TMEM151B: variants seen among roughly 807,000 people sequenced by gnomAD.
TMEM151B encodes transmembrane protein 151B.
A neutral mutation model predicts 33.0 loss-of-function variants in TMEM151B; 18 were observed. The ratio of observed to expected loss-of-function variants is 0.55; its 90% CI spans 0.38 to 0.81. The LOEUF (loss-of-function observed/expected upper bound fraction) is 0.81. Ranked by LOEUF, TMEM151B falls within the 30% of genes least tolerant of loss-of-function variation. The pLI, the probability that TMEM151B is intolerant of heterozygous loss-of-function variation, is 0.00. For missense variants in TMEM151B, 672 were observed against 843.4 expected, an observed-to-expected ratio of 0.80 and a Z score of 2.52; for synonymous variants, 354 against 373.6, an observed-to-expected ratio of 0.95 and a Z score of 0.61.
At chr6:44,270,990 G>A (rs1782310812) in intron 1 of TMEM151B, 113 bp downstream of exon 1, 2 of 764,586 alleles carry the variant, frequency 2.6e-6, no homozygotes, top group East Asian at 1.2e-4. Flanking sequence ...CCCGCACCCC[G>A]AGCCGGCCGC....
rs1193738016 is a variant in TMEM151B at position 44,276,081 on chromosome 6, G to A, written c.1255G>A (p.Gly419Ser). 2 of 1,321,620 alleles carry A rather than the reference G, an allele frequency of 1.5e-6. No individual in the cohort carries two copies. Among genetic ancestry groups the A allele is most frequent in the Admixed American group, 4.1e-5 (1 of 24,324 alleles). 81.9% of individuals were successfully genotyped at this position (1,321,620 alleles called of 1,614,324 possible). A position where few individuals can be genotyped will look rare whatever the true frequency, so the allele number is the denominator to read the frequency against. ...GCCCTCGTGCCGCTACGGTGGGGTA[G>A]GCGGCCCGGGCGCGGCGGGCGTGGC... ...YAPSCRYGGV[G>S]GPGAAGVAPY... The change falls in exon 3 of 3, where the codon GGC (glycine) becomes AGC (serine). Residue 419 changes from glycine to serine, a missense_variant. By Grantham distance (56) the Gly-to-Ser change is moderately conservative. Coordinates refer to ENST00000451188, the MANE Select transcript of TMEM151B (RefSeq NM_001137560.2).
rs777939654 is a variant in TMEM151B, at chr6:44,273,923, A to T, written c.576+417A>T. On this transcript the variant is annotated intron_variant, in intron 2 of 2. Transcript: ENST00000451188. ...TGTTTAGTGCTTAATGGATCTACTT[A>T]GTGATTAATGGCAGAGTGTGGTGGC... is the stretch of plus-strand genomic sequence containing the variant. 2.4e-4 allele frequency among the ~76,000 whole-genome samples: 36 copies of T among 152,312 alleles called. 1 individual carries two copies. The highest frequency in any genetic ancestry group is 4.6e-4 in the Non-Finnish European group (31 of 68,030).
rs774833088 is a variant in TMEM151B at position 44,270,820 on chromosome 6, G to A, written c.78G>A (p.Glu26=). ...GGGGGGPGVS[E]ELTAAAAAAA... ...GCGGTGGCGGCCCCGGGGTCTCGGA[G>A]GAGCTCACGGCGGCGGCGGCAGCGG... The change falls in exon 1 of 3, where the codon GAG becomes GAA. Residue 26 remains glutamate, a synonymous_variant. Transcript: ENST00000451188. The A allele has an allele frequency of 6.9e-5, 78 of 1,133,728 alleles. No individual in the cohort carries two copies. The South Asian group carries it at 2.7e-3, about 40-fold the overall frequency. The allele number at this position is 1,133,728 out of a possible 1,614,324, so 70.2% of individuals were successfully genotyped here. A position where few individuals can be genotyped will look rare whatever the true frequency, so the allele number is the denominator to read the frequency against.
chr6:44,271,647 G>A (rs538139491), intron 1 of TMEM151B, among the ~76,000 whole-genome samples: 5 of 152,190 alleles, frequency 3.3e-5, no homozygotes, highest in East Asian at 1.9e-4. Flanking sequence ...GAAGGGGCCC[G>A]TATGTTCATA....
At position 44,270,711 on chromosome 6, in the gene TMEM151B, A is replaced by G; in HGVS notation, c.-32A>G. On this transcript the variant is annotated 5_prime_UTR_variant, in exon 1 of 3. Transcript: ENST00000451188. The stretch of plus-strand genomic sequence containing the variant: ...CCCCGGCCCCTGGCAGCCCCCCGGG[A>G]GGTCCTGAGCTCGACGCGCCCCCTC... The G allele has an allele frequency of 2.3e-6, 2 of 874,960 alleles. No individual in the cohort carries two copies. The highest frequency in any genetic ancestry group is 5.5e-5 in the East Asian group (1 of 18,226). 54.2% of individuals were successfully genotyped at this position (874,960 alleles called of 1,614,324 possible).
rs1782610265 is a variant in TMEM151B at position 44,276,839 on chromosome 6, G to C, written c.*312G>C. On this transcript the variant is annotated 3_prime_UTR_variant, in exon 3 of 3. Coordinates refer to ENST00000451188, the MANE Select transcript of TMEM151B (RefSeq NM_001137560.2). ...CAGCCCTTCAACAGATCTTCTGTTAGATGACAACCGTGCCGTGGGCCCCGC... is the reference window on the plus strand; with the variant it reads ...CAGCCCTTCAACAGATCTTCTGTTACATGACAACCGTGCCGTGGGCCCCGC... 3.2e-6 allele frequency: 1 copy of C among 316,920 alleles called. No individual in the cohort carries two copies. The highest frequency in any genetic ancestry group is 5.4e-6 in the Non-Finnish European group (1 of 183,872). 19.6% of individuals were successfully genotyped at this position (316,920 alleles called of 1,614,324 possible).
At position 44,276,554 on chromosome 6, in the gene TMEM151B, G is replaced by A. The variant is rs1480306102; in HGVS notation, c.*27G>A. 3 of 1,331,312 alleles carry A rather than the reference G, an allele frequency of 2.3e-6. No homozygotes were observed. The highest frequency in any genetic ancestry group is 3.6e-5 in the Admixed American group (1 of 28,096). 82.5% of individuals were successfully genotyped at this position (1,331,312 alleles called of 1,614,324 possible). On this transcript the variant is annotated 3_prime_UTR_variant, in exon 3 of 3. Coordinates refer to ENST00000451188, the MANE Select transcript of TMEM151B (RefSeq NM_001137560.2). Reference sequence around the variant, plus strand: ...CTCCGGCCCCGGAGTGGCCCGCGCCGTCCTCCCGCCTGCCCCTCGCCGGAC... The same window carrying A: ...CTCCGGCCCCGGAGTGGCCCGCGCCATCCTCCCGCCTGCCCCTCGCCGGAC...
At position 44,270,478 on chromosome 6, in the gene TMEM151B, G is replaced by C; in HGVS notation, c.-265G>C. On this transcript the variant is annotated 5_prime_UTR_variant, in exon 1 of 3. Transcript: ENST00000451188. ...CAAAAGGCGGCGGCGGGAGCGGGCG[G>C]GAGGCGGAGCGGCGCCGCGAGGGCC... The C allele has an allele frequency of 6.4e-6, 1 of 155,652 alleles. No individual in the cohort carries two copies. The highest frequency in any genetic ancestry group is 2.5e-5 in the African/African-American group (1 of 40,002). The allele number at this position is 155,652 out of a possible 1,614,324, so 9.6% of individuals were successfully genotyped here. A position where few individuals can be genotyped will look rare whatever the true frequency, so the allele number is the denominator to read the frequency against.
rs1782658147 is a variant in TMEM151B at position 44,277,978 on chromosome 6, C to T, written c.*1451C>T. On this transcript the variant is annotated 3_prime_UTR_variant, in exon 3 of 3. Coordinates refer to ENST00000451188, the MANE Select transcript of TMEM151B (RefSeq NM_001137560.2). ...GCAGATTTAGCACCCAGGGATTGAGCTCACATTTCAGGCTAGAGAGGATAA... is the reference window on the plus strand; with the variant it reads ...GCAGATTTAGCACCCAGGGATTGAGTTCACATTTCAGGCTAGAGAGGATAA... 6.5e-6 allele frequency: 1 copy of T among 152,856 alleles called. No individual in the cohort carries two copies. Among genetic ancestry groups the T allele is most frequent in the South Asian group, 2.1e-4 (1 of 4,846 alleles). 9.5% of individuals were successfully genotyped at this position (152,856 alleles called of 1,614,324 possible). A position where few individuals can be genotyped will look rare whatever the true frequency, so the allele number is the denominator to read the frequency against.
chr6:44,278,020 A>C lies in TMEM151B; in HGVS notation c.*1493A>C, dbSNP rs933910280. On this transcript the variant is annotated 3_prime_UTR_variant, in exon 3 of 3. Coordinates refer to ENST00000451188, the MANE Select transcript of TMEM151B (RefSeq NM_001137560.2). ...AGAGGATAACCCTTGGGCCACCCAC[A>C]TCTCTCACCCCTGATGCTTCTTACT... The C allele has an allele frequency of 6.5e-6, 1 of 152,966 alleles. No individual in the cohort carries two copies. Among genetic ancestry groups the C allele is most frequent in the Non-Finnish European group, 1.5e-5 (1 of 68,336 alleles). 9.5% of individuals were successfully genotyped at this position (152,966 alleles called of 1,614,324 possible).
chr6:44,275,075 G>T (rs1209146076), intron 2 of TMEM151B, among the ~76,000 whole-genome samples: 1 of 142,756 alleles, frequency 7.0e-6, no homozygotes, highest in Non-Finnish European at 1.5e-5. Flanking sequence ...CCGAGATGGC[G>T]CCACTGCACT....
chr6:44,273,588 G>C (rs78255700), intron 2 of TMEM151B, 82 bp downstream of exon 2: 84,587 of 1,430,284 alleles, frequency 0.059, 2,819 homozygotes, highest in Middle Eastern at 0.077. Flanking sequence ...CCACCTCCCT[G>C]GGGGGAAGGT....
intron 1 of TMEM151B, among the ~76,000 whole-genome samples, chr6:44,272,343 G>C (rs529873862): frequency 7.9e-5 from 12 of 152,116 alleles, no homozygotes; most frequent in African/African-American, 2.7e-4. Context: ...TCCCATCCTA[G>C]GACAAAGGGA....
chr6:44,275,011 G>T lies in TMEM151B; in HGVS notation c.577-392G>T, dbSNP rs536892782. Among the ~76,000 whole-genome samples the T allele has an allele frequency of 2.6e-5, 4 of 151,704 alleles. No individual in the cohort carries two copies. The South Asian group carries it at 8.3e-4, about 32-fold the overall frequency. On this transcript the variant is annotated intron_variant, in intron 2 of 2. Transcript: ENST00000451188. ...TGGGCGCCTGTAGTCCCAGCTACTC[G>T]GGAGGCTGAGGCGGGAGCATGGCAT...
chr6:44,277,685 G>C lies in TMEM151B; in HGVS notation c.*1158G>C, dbSNP rs1395392447. 6.6e-6 allele frequency: 1 copy of C among 152,144 alleles called. No individual in the cohort carries two copies. Among genetic ancestry groups the C allele is most frequent in the African/African-American group, 2.4e-5 (1 of 41,376 alleles). The allele number at this position is 152,144 out of a possible 1,614,324, so 9.4% of individuals were successfully genotyped here. A position where few individuals can be genotyped will look rare whatever the true frequency, so the allele number is the denominator to read the frequency against. On this transcript the variant is annotated 3_prime_UTR_variant, in exon 3 of 3. Coordinates refer to ENST00000451188, the MANE Select transcript of TMEM151B (RefSeq NM_001137560.2). ...ACTGGAGAAATAATTCCAATGGCAG[G>C]GTCAGAGGCAAGCATTCTCTAAATC...
chr6:44,271,250 A>T (rs1296649865), intron 1 of TMEM151B, among the ~76,000 whole-genome samples: 1 of 151,108 alleles, frequency 6.6e-6, no homozygotes, highest in Non-Finnish European at 1.5e-5. Flanking sequence ...TGTACGGGCT[A>T]CAGAACGAGG....
chr6:44,276,843 A>C lies in TMEM151B; in HGVS notation c.*316A>C. On this transcript the variant is annotated 3_prime_UTR_variant, in exon 3 of 3. Coordinates refer to ENST00000451188, the MANE Select transcript of TMEM151B (RefSeq NM_001137560.2). The stretch of plus-strand genomic sequence containing the variant: ...CCTTCAACAGATCTTCTGTTAGATG[A>C]CAACCGTGCCGTGGGCCCCGCGTTG... The C allele has an allele frequency of 3.2e-6, 1 of 308,204 alleles. No individual in the cohort carries two copies. The highest frequency in any genetic ancestry group is 2.2e-5 in the African/African-American group (1 of 46,472). 19.1% of individuals were successfully genotyped at this position (308,204 alleles called of 1,614,324 possible).
At chr6:44,275,039 A>G (rs1167255669) in intron 2 of TMEM151B, among the ~76,000 whole-genome samples, 1 of 150,048 alleles carries the variant, frequency 6.7e-6, no homozygotes, top group Non-Finnish European at 1.5e-5. Flanking sequence ...CATGGCATGA[A>G]CCCGGGAGGC....
At chr6:44,272,197 T>C (rs1193930187) in intron 1 of TMEM151B, among the ~76,000 whole-genome samples, 4 of 152,110 alleles carry the variant, frequency 2.6e-5, no homozygotes, top group Non-Finnish European at 5.9e-5. Flanking sequence ...CTTGATAAAT[T>C]GCTGGGCTTC....
Sources: allele counts gnomAD v4.1 joint callset (sites outside exome capture counted in the v4.1 genomes callset), GRCh38; gene constraint gnomAD v4.1.1; transcripts MANE v1.5; gene names NCBI Gene and HGNC (gene_info 2026-07-23, HGNC 2026-07-21).